Variants in CSMD1 observed in about 807,000 individuals in gnomAD.
CSMD1 encodes CUB and sushi domain-containing protein 1.
Under a neutral mutation model 417.5 loss-of-function variants are expected in CSMD1, and 213 were observed. The observed-to-expected ratio is 0.51, with a 90% CI of 0.46 to 0.57. CSMD1 has a LOEUF of 0.57. Among genes scored for constraint, CSMD1 ranks in the 20% least tolerant of loss-of-function variants. The probability of loss-of-function intolerance (pLI) is 0.00; values close to 1 mark genes in which losing one functional copy is unlikely to be tolerated. For missense variants in CSMD1, 6,923 were observed against 4,529.7 expected (o/e 1.53, Z -15.17); for synonymous variants, 2,862 against 1,736.8 (o/e 1.65, Z -16.11).
chr8:3,778,637 C>T (rs1239255614), intron 5 of CSMD1, among the ~76,000 whole-genome samples: 4 of 152,186 alleles, frequency 2.6e-5, no homozygotes, highest in African/African-American at 9.6e-5. Flanking sequence ...CTTCCTGCCT[C>T]CAACCTTTCT....
At chr8:4,368,770 C>G (rs970117191) in intron 3 of CSMD1, among the ~76,000 whole-genome samples, 20 of 152,222 alleles carry the variant, frequency 1.3e-4, no homozygotes, top group African/African-American at 4.8e-4. Flanking sequence ...TCATAATACT[C>G]TCAGGATTTT....
At position 3,418,158 on chromosome 8, in the gene CSMD1, G is replaced by A. The variant is rs139909669; in HGVS notation, c.1562-8553C>T. On this transcript the variant is annotated intron_variant, in intron 12 of 69. Coordinates refer to ENST00000635120, the MANE Select transcript of CSMD1 (RefSeq NM_033225.6). Reference sequence around the variant, plus strand: ...GAAACAAGAATGAGATGATTCCAAAGGTGTAGTCAAAAGCTAAGATGGAGC... The same window carrying A: ...GAAACAAGAATGAGATGATTCCAAAAGTGTAGTCAAAAGCTAAGATGGAGC... 3.4e-3 allele frequency among the ~76,000 whole-genome samples: 512 copies of A among 152,236 alleles called. 4 individuals carry two copies. Among genetic ancestry groups the A allele is most frequent in the Middle Eastern group, 0.017 (5 of 294 alleles).
chr8:3,157,238 G>A (rs1015438266), intron 39 of CSMD1, among the ~76,000 whole-genome samples: 1 of 152,078 alleles, frequency 6.6e-6, no homozygotes, highest in Non-Finnish European at 1.5e-5. Context: ...CTGAATGATG[G>A]GGAGCAAAGG....
intron 41 of CSMD1, among the ~76,000 whole-genome samples, chr8:3,125,365 C>T (rs1261101636): frequency 6.6e-6 from 1 of 152,224 alleles, no homozygotes; most frequent in Non-Finnish European, 1.5e-5. Flanking sequence ...TCAGAACCCT[C>T]ATCACGCATG....
intron 4 of CSMD1, among the ~76,000 whole-genome samples, chr8:4,022,356 T>G (rs1796832479): frequency 6.6e-6 from 1 of 152,004 alleles, no homozygotes; most frequent in Non-Finnish European, 1.5e-5. Flanking sequence ...AATAGCATAC[T>G]TAAAATCATG....
intron 37 of CSMD1, among the ~76,000 whole-genome samples, 169 bp from the exon 38 acceptor site, chr8:3,162,446 G>C (rs73183554): frequency 1.0e-3 from 155 of 152,176 alleles, no homozygotes; most frequent in Non-Finnish European, 1.2e-3. Flanking sequence ...TTAAATCAGA[G>C]CTATGAGTTA....
At chr8:3,661,787 A>G (rs960084214) in intron 7 of CSMD1, among the ~76,000 whole-genome samples, 2 of 152,088 alleles carry the variant, frequency 1.3e-5, no homozygotes, top group African/African-American at 4.8e-5. Flanking sequence ...CTGAGCCACC[A>G]TGACCGGCAA....
intron 2 of CSMD1, among the ~76,000 whole-genome samples, chr8:4,595,067 G>C (rs183123747): frequency 1.3e-5 from 2 of 152,128 alleles, no homozygotes; most frequent in African/African-American, 4.8e-5. Context: ...TGTAAACATA[G>C]GTGTGCCTTT....
At chr8:4,214,654 G>T (rs979551492) in intron 3 of CSMD1, among the ~76,000 whole-genome samples, 8 of 152,024 alleles carry the variant, frequency 5.3e-5, no homozygotes, top group Admixed American at 4.6e-4. Context: ...GCACGTGTAT[G>T]TGTGTGTGTA....
intron 5 of CSMD1, among the ~76,000 whole-genome samples, chr8:3,890,903 C>A (rs897815463): frequency 6.6e-6 from 1 of 152,124 alleles, no homozygotes; most frequent in Non-Finnish European, 1.5e-5. Context: ...GCTAGCTACT[C>A]TCTCATAGGA....
intron 7 of CSMD1, among the ~76,000 whole-genome samples, chr8:3,636,577 T>A (rs1466022973): frequency 6.6e-6 from 1 of 152,206 alleles, no homozygotes; most frequent in Non-Finnish European, 1.5e-5. Flanking sequence ...TTTATGCTGG[T>A]CATGAAACGG....
At chr8:4,324,283 C>G (rs1799429138) in intron 3 of CSMD1, among the ~76,000 whole-genome samples, 1 of 152,204 alleles carries the variant, frequency 6.6e-6, no homozygotes, top group Admixed American at 6.5e-5. Context: ...TTCCTCATCA[C>G]TAACTGCGTA....
At chr8:3,937,103 G>A (rs980633884) in intron 5 of CSMD1, among the ~76,000 whole-genome samples, 1 of 152,202 alleles carries the variant, frequency 6.6e-6, no homozygotes, top group African/African-American at 2.4e-5. Context: ...ACTGTCATAA[G>A]ATCTTAATGG....
chr8:3,710,117 C>G (rs528104746), intron 6 of CSMD1, among the ~76,000 whole-genome samples: 2 of 134,710 alleles, frequency 1.5e-5, no homozygotes, highest in African/African-American at 2.6e-5. Flanking sequence ...TCATGACACA[C>G]CTTTTTGGAT....
chr8:4,383,550 G>A (rs528183243), intron 3 of CSMD1, among the ~76,000 whole-genome samples: 2 of 152,236 alleles, frequency 1.3e-5, no homozygotes, highest in South Asian at 4.1e-4. Context: ...GGTACCAGAA[G>A]CATTTATAAA....
intron 5 of CSMD1, among the ~76,000 whole-genome samples, chr8:3,840,567 CCTT>C (rs1803063417): frequency 6.6e-6 from 1 of 151,952 alleles, no homozygotes; most frequent in African/African-American, 2.4e-5. Flanking sequence ...AAGCATGCCT[CCTT>C]ATTTCAAGTT....
chr8:4,165,845 T>C (rs1210917315), intron 3 of CSMD1, among the ~76,000 whole-genome samples: 1 of 152,256 alleles, frequency 6.6e-6, no homozygotes, highest in South Asian at 2.1e-4. Context: ...AATTGCGTTT[T>C]TTGCCATTGA....
At chr8:4,073,136 A>G (rs1799645319) in intron 3 of CSMD1, among the ~76,000 whole-genome samples, 1 of 152,174 alleles carries the variant, frequency 6.6e-6, no homozygotes, top group South Asian at 2.1e-4. Context: ...TTGGCAGAAC[A>G]TGAAAACTTT....
chr8:4,428,235 A>G (rs192067886), intron 2 of CSMD1, among the ~76,000 whole-genome samples: 1 of 152,196 alleles, frequency 6.6e-6, no homozygotes, highest in African/African-American at 2.4e-5. Flanking sequence ...TTCTAAACAC[A>G]AGACAACTAG....
Sources: gnomAD v4.1 joint callset for allele counts (sites outside exome capture counted in the v4.1 genomes callset) on GRCh38, gnomAD v4.1.1 for gene constraint, MANE v1.5 for transcripts, NCBI Gene and HGNC (gene_info 2026-07-23, HGNC 2026-07-21) for gene names.